CFAP61: variants seen among roughly 807,000 people sequenced by gnomAD.
CFAP61 encodes the protein cilia and flagella associated protein 61, also known as cilia- and flagella-associated protein 61.
In CFAP61, 107 loss-of-function variants were observed where a neutral mutation model predicts 135.6. The ratio of observed to expected loss-of-function variants is 0.79; its 90% CI spans 0.67 to 0.93. The LOEUF (loss-of-function observed/expected upper bound fraction) is 0.93. Ranked by LOEUF, CFAP61 falls within the 40% of genes least tolerant of loss-of-function variation. The pLI, the probability that CFAP61 is intolerant of heterozygous loss-of-function variation, is 0.00. For missense variants in CFAP61, 1,507 were observed against 1,556.2 expected (o/e 0.97, Z 0.53); for synonymous variants, 575 against 578.5 (o/e 0.99, Z 0.09).
rs984878956 is a variant in CFAP61, at chr20:20,326,135, G to A, written c.3423-15696G>A. Among the ~76,000 whole-genome samples the A allele has an allele frequency of 9.2e-5, 14 of 152,220 alleles. No homozygotes were observed. In the South Asian group the frequency reaches 1.2e-3, roughly 14 times the overall value. On this transcript the variant is annotated intron_variant, in intron 25 of 26. Coordinates refer to ENST00000245957, the MANE Select transcript of CFAP61 (RefSeq NM_015585.4). ...CTATCTCTATGTCTTCTTTGGTGACGTGTCCAGCTCTTTTGCCCATTTTTA... is the reference window on the plus strand; with the variant it reads ...CTATCTCTATGTCTTCTTTGGTGACATGTCCAGCTCTTTTGCCCATTTTTA...
chr20:20,218,569 C>T (rs995845950), intron 17 of CFAP61, among the ~76,000 whole-genome samples: 4 of 152,186 alleles, frequency 2.6e-5, no homozygotes, highest in Admixed American at 6.5e-5. Flanking sequence ...CAAATGAATA[C>T]GTACTCTTTT....
At chr20:20,239,836 G>A (rs997927595) in intron 18 of CFAP61, among the ~76,000 whole-genome samples, 1 of 152,176 alleles carries the variant, frequency 6.6e-6, no homozygotes, top group African/African-American at 2.4e-5. Context: ...GTAGCTGTGT[G>A]GAAGATGGGC....
chr20:20,058,421 A>T (rs1297711714), intron 2 of CFAP61, among the ~76,000 whole-genome samples: 2 of 152,226 alleles, frequency 1.3e-5, no homozygotes, highest in Non-Finnish European at 2.9e-5. Context: ...TGCTAGCTTC[A>T]TCCTTGAGGA....
At chr20:20,332,506 A>G (rs1399304486) in intron 25 of CFAP61, among the ~76,000 whole-genome samples, 1 of 152,218 alleles carries the variant, frequency 6.6e-6, no homozygotes, top group Non-Finnish European at 1.5e-5. Flanking sequence ...CAGGCAAAAC[A>G]GCAAAGAAAT....
At chr20:20,076,388 CAGTT>C (rs1001736593) in intron 6 of CFAP61, among the ~76,000 whole-genome samples, 7 of 152,214 alleles carry the variant, frequency 4.6e-5, no homozygotes, top group African/African-American at 1.7e-4. Context: ...CTCCCGCTGA[CAGTT>C]AGCTTCCACT....
chr20:20,097,219 G>T (rs1387508758), intron 7 of CFAP61, among the ~76,000 whole-genome samples: 2 of 152,044 alleles, frequency 1.3e-5, no homozygotes, highest in African/African-American at 4.8e-5. Context: ...GCGTTCTTGG[G>T]AATAGAGAAT....
intron 25 of CFAP61, among the ~76,000 whole-genome samples, chr20:20,306,806 G>A (rs1343755372): frequency 6.6e-6 from 1 of 152,172 alleles, no homozygotes; most frequent in Non-Finnish European, 1.5e-5. Context: ...TATTTGAAAG[G>A]AAATGTGTAT....
At position 20,349,934 on chromosome 20, in the gene CFAP61, A is replaced by G. The variant is rs147080222; in HGVS notation, c.3513+8013A>G. Among the ~76,000 whole-genome samples the G allele has an allele frequency of 2.5e-3, 377 of 152,352 alleles. 1 individual carries two copies. Among genetic ancestry groups the G allele is most frequent in the African/African-American group, 8.7e-3 (360 of 41,590 alleles). Reference sequence around the variant, plus strand: ...GAAGGGACTCCAAATAGCCAAAACTATCCTGGAGGGAAAAAAGAACAGAGT... The same window carrying G: ...GAAGGGACTCCAAATAGCCAAAACTGTCCTGGAGGGAAAAAAGAACAGAGT... On this transcript the variant is annotated intron_variant, in intron 26 of 26. Transcript: ENST00000245957.
At chr20:20,097,293 G>A (rs1259384223) in intron 7 of CFAP61, among the ~76,000 whole-genome samples, 3 of 152,118 alleles carry the variant, frequency 2.0e-5, no homozygotes, top group Non-Finnish European at 4.4e-5. Flanking sequence ...CTGAACACTT[G>A]AGAGATAGGA....
chr20:20,087,218 G>A (rs1355667170), intron 6 of CFAP61, among the ~76,000 whole-genome samples: 1 of 151,984 alleles, frequency 6.6e-6, no homozygotes, highest in Non-Finnish European at 1.5e-5. Context: ...GAGATTTGGG[G>A]TACAATTGAT....
intron 25 of CFAP61, chr20:20,323,142 C>G (rs2057598780): frequency 1.0e-6 from 1 of 985,334 alleles, no homozygotes. Flanking sequence ...CGCCAAGGCT[C>G]AGCTAGGCGA....
At chr20:20,186,108 C>T (rs1458078832) in intron 13 of CFAP61, among the ~76,000 whole-genome samples, 2 of 152,198 alleles carry the variant, frequency 1.3e-5, no homozygotes, top group African/African-American at 2.4e-5. Flanking sequence ...GCAGTTACCA[C>T]GTCTATCTGG....
At chr20:20,139,314 G>A (rs762304906) in intron 8 of CFAP61, among the ~76,000 whole-genome samples, 1 of 152,186 alleles carries the variant, frequency 6.6e-6, no homozygotes, top group African/African-American at 2.4e-5. Context: ...AGCCTGTGCT[G>A]GGAAGATGCC....
At chr20:20,218,210 C>T (rs565370878) in intron 17 of CFAP61, among the ~76,000 whole-genome samples, 1 of 152,144 alleles carries the variant, frequency 6.6e-6, no homozygotes, top group Non-Finnish European at 1.5e-5. Context: ...GGGAGGGACC[C>T]AGGGAGAGGT....
rs1158549074 is a variant in CFAP61, at chr20:20,092,577, A to G, written c.699+1601A>G. Reference sequence around the variant, plus strand: ...CAGATCACCTGGGAGGCTTTTAACTATCCATACCATGCCAATGACTTGGAT... The same window carrying G: ...CAGATCACCTGGGAGGCTTTTAACTGTCCATACCATGCCAATGACTTGGAT... On this transcript the variant is annotated intron_variant, in intron 7 of 26. Transcript: ENST00000245957. Among the ~76,000 whole-genome samples, 4 of 152,322 alleles carry G rather than the reference A, an allele frequency of 2.6e-5. No individual in the cohort carries two copies. The East Asian group carries it at 7.7e-4, about 29-fold the overall frequency.
chr20:20,321,276 C>A (rs1388649677), intron 25 of CFAP61, among the ~76,000 whole-genome samples: 1 of 152,012 alleles, frequency 6.6e-6, no homozygotes, highest in Non-Finnish European at 1.5e-5. Context: ...TGATTCTCTT[C>A]AAAATAACCT....
chr20:20,054,075 C>A (rs1373886086), intron 1 of CFAP61, among the ~76,000 whole-genome samples: 1 of 123,532 alleles, frequency 8.1e-6, no homozygotes, highest in East Asian at 2.3e-4. Flanking sequence ...GCCATCAATG[C>A]TTTTGTAGAT....
At chr20:20,294,099 T>A (rs1424072953) in intron 24 of CFAP61, among the ~76,000 whole-genome samples, 1 of 152,272 alleles carries the variant, frequency 6.6e-6, no homozygotes, top group Admixed American at 6.5e-5. Flanking sequence ...TTTGCTCGTA[T>A]ACTTAAAATA....
At chr20:20,270,264 A>G (rs959179522) in intron 21 of CFAP61, among the ~76,000 whole-genome samples, 1 of 152,098 alleles carries the variant, frequency 6.6e-6, no homozygotes, top group African/African-American at 2.4e-5. Context: ...CAGACCAGCA[A>G]ATCTTTCCCT....
Sources: gnomAD v4.1 joint callset for allele counts (sites outside exome capture counted in the v4.1 genomes callset) on GRCh38, gnomAD v4.1.1 for gene constraint, MANE v1.5 for transcripts, NCBI Gene and HGNC (gene_info 2026-07-23, HGNC 2026-07-21) for gene names.